Variants in PPHLN1 observed in about 807,000 individuals in gnomAD.
PPHLN1 encodes the protein periphilin-1.
PPHLN1 carries 29 observed loss-of-function variants against 51.3 expected under a neutral mutation model. The ratio of observed to expected loss-of-function variants is 0.57; its 90% CI spans 0.42 to 0.77. The LOEUF (loss-of-function observed/expected upper bound fraction) is 0.77, where lower values mean the gene tolerates loss of function less well. PPHLN1 is among the 30% of genes least tolerant of loss of function. The pLI is 0.00. For synonymous variants in PPHLN1, 147 were observed against 147.8 expected, an observed-to-expected ratio of 0.99 and a Z score of 0.04; for missense variants, 436 against 438.4, an observed-to-expected ratio of 0.99 and a Z score of 0.05.
chr12:42,414,593 G>A (rs537091868), intron 9 of PPHLN1, among the ~76,000 whole-genome samples: 2 of 152,266 alleles, frequency 1.3e-5, no homozygotes, highest in East Asian at 1.9e-4. Flanking sequence ...CGTTGTTGGT[G>A]TATAGCAGTG....
At chr12:42,400,995 A>G (rs1041522485) in intron 9 of PPHLN1, among the ~76,000 whole-genome samples, 1 of 152,178 alleles carries the variant, frequency 6.6e-6, no homozygotes, top group Non-Finnish European at 1.5e-5. Context: ...TATATTTTTA[A>G]TGAGTAAAGC....
downstream of PPHLN1, chr12:42,442,889 G>T (rs546897880): frequency 3.1e-6 from 4 of 1,294,458 alleles, no homozygotes; most frequent in Non-Finnish European, 4.1e-6. Flanking sequence ...CCTCGGTTTC[G>T]CAGGCTCAAT....
intron 5 of PPHLN1, among the ~76,000 whole-genome samples, chr12:42,382,180 GGAGT>G (rs1168179726): frequency 2.0e-5 from 3 of 152,142 alleles, no homozygotes; most frequent in African/African-American, 7.2e-5. Context: ...TTGCATTCAA[GGAGT>G]CACCAAATAC....
chr12:42,362,990 CA>C (rs1701890236), intron 4 of PPHLN1, among the ~76,000 whole-genome samples: 1 of 152,210 alleles, frequency 6.6e-6, no homozygotes, highest in Non-Finnish European at 1.5e-5. Context: ...CAGTGTTCCT[CA>C]GTTGTGACCC....
At chr12:42,388,095 T>A (rs565718780) in intron 7 of PPHLN1, among the ~76,000 whole-genome samples, 1 of 152,294 alleles carries the variant, frequency 6.6e-6, no homozygotes, top group South Asian at 2.1e-4. Context: ...TATGGCCTTG[T>A]GGGATGAGAA....
intron 9 of PPHLN1, among the ~76,000 whole-genome samples, chr12:42,414,267 T>G (rs1444817286): frequency 2.6e-5 from 4 of 151,238 alleles, no homozygotes; most frequent in Non-Finnish European, 4.4e-5. Flanking sequence ...ACTCCTGACC[T>G]CAGGTGATCC....
chr12:42,347,486 T>C (rs1394585876), intron 2 of PPHLN1, among the ~76,000 whole-genome samples: 6 of 152,264 alleles, frequency 3.9e-5, no homozygotes, highest in Middle Eastern at 3.4e-3. Flanking sequence ...AACAATATAA[T>C]CTTTTTGAAA....
At chr12:42,430,958 T>C (rs569441970) in intron 9 of PPHLN1, among the ~76,000 whole-genome samples, 5 of 152,356 alleles carry the variant, frequency 3.3e-5, no homozygotes, top group South Asian at 4.1e-4. Flanking sequence ...TTCTGGAAAT[T>C]AGTATTTTCA....
At chr12:42,376,324 G>A (rs1254074998) in intron 5 of PPHLN1, among the ~76,000 whole-genome samples, 1 of 152,174 alleles carries the variant, frequency 6.6e-6, no homozygotes, top group Non-Finnish European at 1.5e-5. Flanking sequence ...ACCATTTGGA[G>A]TCATCAGATT....
intron 2 of PPHLN1, among the ~76,000 whole-genome samples, chr12:42,344,828 C>T (rs1035934132): frequency 5.3e-5 from 8 of 151,608 alleles, no homozygotes; most frequent in African/African-American, 1.9e-4. Flanking sequence ...TGTGCCTCAG[C>T]CTCCCATATA....
At chr12:42,428,433 A>T (rs2081696844) in intron 9 of PPHLN1, among the ~76,000 whole-genome samples, 1 of 152,234 alleles carries the variant, frequency 6.6e-6, no homozygotes, top group African/African-American at 2.4e-5. Context: ...ACTTAGCCAT[A>T]AAAAGGAACA....
downstream of PPHLN1, chr12:42,442,933 A>G (rs542674951): frequency 3.4e-6 from 3 of 880,708 alleles, no homozygotes; most frequent in African/African-American, 3.4e-5. Context: ...GTTTCCCATA[A>G]CCCATGGTCC....
intron 6 of PPHLN1, among the ~76,000 whole-genome samples, chr12:42,385,990 T>A (rs1359395221): frequency 6.6e-6 from 1 of 152,256 alleles, no homozygotes; most frequent in Non-Finnish European, 1.5e-5. Context: ...GTGGTGCTTT[T>A]GAGTTTTAAG....
chr12:42,380,414 G>C (rs1055185288), intron 5 of PPHLN1, among the ~76,000 whole-genome samples: 1 of 151,972 alleles, frequency 6.6e-6, no homozygotes, highest in Non-Finnish European at 1.5e-5. Context: ...AAAAAATACT[G>C]TTAGTCATTA....
At chr12:42,444,689 T>A (rs1254862303), downstream of PPHLN1, 1 of 196,804 alleles carries the variant, frequency 5.1e-6, no homozygotes, top group Non-Finnish European at 1.0e-5. Context: ...AAAAACAATT[T>A]GAAGCAGTCT....
In PPHLN1 at chr12:42,383,983, C is replaced by CAAAA. The variant is rs61016692; in HGVS notation, c.512-932_512-929dup. 1.9e-3 allele frequency among the ~76,000 whole-genome samples: 98 copies of CAAAA among 51,642 alleles called. 15 individuals are homozygous for CAAAA. The highest frequency in any genetic ancestry group is 4.7e-3 in the South Asian group (4 of 846). 33.9% of individuals were successfully genotyped at this position (51,642 alleles called of 152,430 possible). On this transcript the variant is annotated intron_variant, in intron 5 of 9. Transcript: ENST00000358314. ...TGGGCAACAGAGTGAGACTGTGTCT[C>CAAAA]AAAAAAAAAAAAAAAAAAAAAAAAA...
chr12:42,329,879 A>C (rs2069432668), intron 1 of PPHLN1: 2 of 152,144 alleles, frequency 1.3e-5, no homozygotes, highest in Admixed American at 1.3e-4. Flanking sequence ...TAGAGAAAGA[A>C]CAGTGGGCCC....
chr12:42,350,171 C>A (rs542163384), intron 2 of PPHLN1: 1 of 144,582 alleles, frequency 6.9e-6, no homozygotes, highest in Non-Finnish European at 1.5e-5. Flanking sequence ...CCTCCCAGAC[C>A]GGGCGGCTGG....
intron 5 of PPHLN1, among the ~76,000 whole-genome samples, chr12:42,379,570 T>A (rs1365696792): frequency 6.6e-6 from 1 of 152,026 alleles, no homozygotes; most frequent in East Asian, 1.9e-4. Context: ...ACACCAGAAG[T>A]GAATTTTTAT....
Sources: gnomAD v4.1 joint callset for allele counts (sites outside exome capture counted in the v4.1 genomes callset) on GRCh38, gnomAD v4.1.1 for gene constraint, MANE v1.5 for transcripts, NCBI Gene and HGNC (gene_info 2026-07-23, HGNC 2026-07-21) for gene names.